The following TMCC1 variants were observed in gnomAD, a reference collection of about 807,000 sequenced individuals.
TMCC1 encodes transmembrane and coiled-coil domains protein 1.
A neutral mutation model predicts 52.4 loss-of-function variants in TMCC1; 15 were observed. The observed-to-expected ratio is 0.29, with a 90% confidence interval of 0.19 to 0.44. The LOEUF (loss-of-function observed/expected upper bound fraction) is 0.44, where lower values mean the gene tolerates loss of function less well. TMCC1 is among the 20% of genes least tolerant of loss of function. TMCC1 has a pLI of 1.00. For synonymous variants in TMCC1, 279 were observed against 301.9 expected, an observed-to-expected ratio of 0.92 and a Z score of 0.79; for missense variants, 503 against 806.0, an observed-to-expected ratio of 0.62 and a Z score of 4.55.
At chr3:129,794,494 C>A in intron 4 of TMCC1, 1 of 359,170 alleles carries the variant, frequency 2.8e-6, no homozygotes, top group Non-Finnish European at 5.3e-6. Context: ...GGAGTCTTAG[C>A]AAACTTGGAA....
intron 5 of TMCC1, among the ~76,000 whole-genome samples, chr3:129,659,107 T>C (rs953390542): frequency 2.0e-5 from 3 of 150,586 alleles, no homozygotes; most frequent in African/African-American, 4.9e-5. Flanking sequence ...TTTTTTTTTT[T>C]TTTTTTTAAA....
chr3:129,726,936 C>T (rs927193690), intron 4 of TMCC1, among the ~76,000 whole-genome samples: 11 of 111,346 alleles, frequency 9.9e-5, no homozygotes, highest in Admixed American at 4.1e-4. Context: ...TTCTGTAGTA[C>T]AAAACCCTAG....
chr3:129,878,838 G>A (rs2061340288), intron 2 of TMCC1, among the ~76,000 whole-genome samples: 1 of 152,118 alleles, frequency 6.6e-6, no homozygotes, highest in African/African-American at 2.4e-5. Context: ...TAATTCATGT[G>A]CACATTGAAG....
At chr3:129,863,054 G>C (rs2060465890) in intron 2 of TMCC1, among the ~76,000 whole-genome samples, 1 of 152,124 alleles carries the variant, frequency 6.6e-6, no homozygotes, top group Admixed American at 6.5e-5. Context: ...TTCTCCATAT[G>C]AATAATAAAG....
At chr3:129,749,061 C>T (rs997356858) in intron 4 of TMCC1, among the ~76,000 whole-genome samples, 2 of 151,994 alleles carry the variant, frequency 1.3e-5, no homozygotes, top group African/African-American at 4.8e-5. Flanking sequence ...CACAACAACC[C>T]AATGAGTTGT....
chr3:129,780,371 T>A (rs1411697059), intron 4 of TMCC1, among the ~76,000 whole-genome samples: 1 of 151,996 alleles, frequency 6.6e-6, no homozygotes, highest in Non-Finnish European at 1.5e-5. Context: ...TATAACCAAA[T>A]TCATCTTCAT....
rs564791346 is a variant in TMCC1 at position 129,846,883 on chromosome 3, A to G, written c.-183-14057T>C. Among the ~76,000 whole-genome samples the G allele has an allele frequency of 2.3e-3, 340 of 150,400 alleles. 2 individuals are homozygous for G. Among genetic ancestry groups the G allele is most frequent in the Non-Finnish European group, 4.0e-3 (270 of 67,518 alleles). On this transcript the variant is annotated intron_variant, in intron 2 of 6. Transcript: ENST00000393238. ...AATCTCTACTAAAAAAAAAAAAAAA[A>G]AAAAAAAAAAAGGGCAGGAGGATTG... is the stretch of plus-strand genomic sequence containing the variant.
intron 1 of TMCC1, among the ~76,000 whole-genome samples, chr3:129,884,284 T>G (rs1046169011): frequency 2.0e-5 from 3 of 152,094 alleles, no homozygotes; most frequent in African/African-American, 7.2e-5. Flanking sequence ...ACTTTTATAA[T>G]AGTATGAGCA....
In TMCC1 at chr3:129,822,029, C is replaced by A. The variant is rs541938165; in HGVS notation, c.576+5774G>T. Among the ~76,000 whole-genome samples the A allele has an allele frequency of 2.6e-5, 4 of 152,226 alleles. No homozygotes were observed. In the South Asian group the frequency reaches 6.2e-4, roughly 24 times the overall value. On this transcript the variant is annotated intron_variant, in intron 4 of 6. Transcript: ENST00000393238. ...AGTTAGCTGTGATCACACCACTACA[C>A]TCCAGCCTGGGTGACAGAGTGAGAC...
intron 4 of TMCC1, among the ~76,000 whole-genome samples, chr3:129,731,635 ATT>A (rs61141159): frequency 6.9e-6 from 1 of 145,926 alleles, no homozygotes; most frequent in African/African-American, 2.5e-5. Context: ...GAACTTCATC[ATT>A]TTTTTTTTTT....
At chr3:129,831,122 T>G (rs181803924) in intron 3 of TMCC1, among the ~76,000 whole-genome samples, 1 of 152,010 alleles carries the variant, frequency 6.6e-6, no homozygotes, top group African/African-American at 2.4e-5. Flanking sequence ...TTTAGAGAGA[T>G]ACGGTTTCAC....
intron 4 of TMCC1, among the ~76,000 whole-genome samples, chr3:129,815,020 C>A (rs1304455577): frequency 2.0e-5 from 3 of 152,052 alleles, no homozygotes; most frequent in Non-Finnish European, 4.4e-5. Context: ...AGAAAATCAA[C>A]AGAGACACAA....
chr3:129,807,670 C>T (rs772420029), intron 4 of TMCC1, among the ~76,000 whole-genome samples: 4 of 152,072 alleles, frequency 2.6e-5, no homozygotes, highest in Non-Finnish European at 4.4e-5. Context: ...GATTTTTTGT[C>T]AATACTGGAA....
At chr3:129,802,711 G>A (rs943366122) in intron 4 of TMCC1, among the ~76,000 whole-genome samples, 3 of 152,066 alleles carry the variant, frequency 2.0e-5, no homozygotes, top group Non-Finnish European at 4.4e-5. Context: ...GTGGCATGTC[G>A]CACACCTGTT....
At chr3:129,873,104 T>A (rs945797287) in intron 2 of TMCC1, among the ~76,000 whole-genome samples, 3 of 152,198 alleles carry the variant, frequency 2.0e-5, no homozygotes, top group Non-Finnish European at 4.4e-5. Context: ...TTTTGCCATG[T>A]TGGCCAGGCT....
intron 2 of TMCC1, among the ~76,000 whole-genome samples, chr3:129,853,225 T>C (rs1459780685): frequency 3.3e-5 from 5 of 152,094 alleles, no homozygotes; most frequent in Middle Eastern, 3.4e-3. Flanking sequence ...AACTGTAGTA[T>C]ACACTGCAGT....
At chr3:129,831,611 A>G (rs973145248) in intron 3 of TMCC1, among the ~76,000 whole-genome samples, 2 of 152,234 alleles carry the variant, frequency 1.3e-5, no homozygotes, top group African/African-American at 2.4e-5. Context: ...GAAGGCTACT[A>G]AAATTTTCTG....
At chr3:129,830,600 G>C (rs1017585406) in intron 3 of TMCC1, among the ~76,000 whole-genome samples, 4 of 152,118 alleles carry the variant, frequency 2.6e-5, no homozygotes, top group African/African-American at 9.7e-5. Flanking sequence ...TGAAAAAGTA[G>C]TTTACTTTTT....
At chr3:129,701,035 T>C (rs887255926) in intron 4 of TMCC1, among the ~76,000 whole-genome samples, 3 of 152,190 alleles carry the variant, frequency 2.0e-5, no homozygotes, top group African/African-American at 7.2e-5. Context: ...CTTACTTCTC[T>C]TTCCACTCTA....
Sources: gnomAD v4.1 joint callset for allele counts (sites outside exome capture counted in the v4.1 genomes callset) on GRCh38, gnomAD v4.1.1 for gene constraint, MANE v1.5 for transcripts, NCBI Gene and HGNC (gene_info 2026-07-23, HGNC 2026-07-21) for gene names.